BDH1: variants seen among roughly 807,000 people sequenced by gnomAD.
BDH1 encodes D-beta-hydroxybutyrate dehydrogenase, mitochondrial.
In BDH1, 30 loss-of-function variants were observed where a neutral mutation model predicts 33.1. That is an observed-to-expected ratio of 0.91 (90% CI 0.68 to 1.23). The LOEUF (loss-of-function observed/expected upper bound fraction) is 1.23, where lower values mean the gene tolerates loss of function less well. Among genes scored for constraint, BDH1 ranks in the 50% most tolerant of loss-of-function variants. BDH1 has a pLI of 0.00. For missense variants in BDH1, 443 were observed against 464.4 expected, an observed-to-expected ratio of 0.95 and a Z score of 0.42; for synonymous variants, 190 against 183.6, an observed-to-expected ratio of 1.03 and a Z score of -0.28.
At position 197,514,563 on chromosome 3, in the gene BDH1, C is replaced by G; in HGVS notation, c.410-147G>C. 1 of 952,002 alleles carries G rather than the reference C, an allele frequency of 1.1e-6. No individual in the cohort carries two copies. Among genetic ancestry groups the G allele is most frequent in the Non-Finnish European group, 1.5e-6 (1 of 655,094 alleles). 59.0% of individuals were successfully genotyped at this position (952,002 alleles called of 1,614,324 possible). A position where few individuals can be genotyped will look rare whatever the true frequency, so the allele number is the denominator to read the frequency against. The stretch of plus-strand genomic sequence containing the variant: ...GCTCTCAAGAAACTTTCTAGAGTCA[C>G]TCAGGAACGACAGGAGGTAAAGAGG... On this transcript the variant is annotated intron_variant, in intron 6 of 7. Coordinates refer to ENST00000392379, the MANE Select transcript of BDH1 (RefSeq NM_203314.3). This position sits in a 1 kb window ranked among gnomAD's most constrained non-coding sequence, Gnocchi z 4.2.
In BDH1 at chr3:197,510,752, G is replaced by A. The variant is rs1711940202; in HGVS notation, c.*1143C>T. On this transcript the variant is annotated 3_prime_UTR_variant, in exon 8 of 8. Coordinates refer to ENST00000392379, the MANE Select transcript of BDH1 (RefSeq NM_203314.3). ...GTAAGCACCACGTGAGGCAAGCAGG[G>A]ACCCCAAATCCACTGCTAGGGGAGA... The A allele has an allele frequency of 6.7e-6, 1 of 149,794 alleles. No homozygotes were observed. The highest frequency in any genetic ancestry group is 1.5e-5 in the Non-Finnish European group (1 of 68,282). 9.3% of individuals were successfully genotyped at this position (149,794 alleles called of 1,614,324 possible). A position where few individuals can be genotyped will look rare whatever the true frequency, so the allele number is the denominator to read the frequency against.
At chr3:197,570,059 CT>C (rs1717558507) in intron 1 of BDH1, among the ~76,000 whole-genome samples, 1 of 152,130 alleles carries the variant, frequency 6.6e-6, no homozygotes, top group African/African-American at 2.4e-5. Flanking sequence ...CTGAGGTGGT[CT>C]TAGATGGAGA....
upstream of BDH1, among the ~76,000 whole-genome samples, chr3:197,557,580 C>T (rs533077317): frequency 3.3e-5 from 5 of 152,108 alleles, no homozygotes; most frequent in Non-Finnish European, 2.9e-5. The surrounding 1 kb of genome is among the most constrained non-coding windows in gnomAD (Gnocchi z 4.6). Context: ...CCCTGCCCTT[C>T]GTAGTGGATG....
intron 6 of BDH1, among the ~76,000 whole-genome samples, chr3:197,519,712 G>A (rs1050822978): frequency 2.0e-5 from 3 of 152,060 alleles, no homozygotes; most frequent in Admixed American, 6.5e-5. Context: ...TGACTGGTAA[G>A]TGATGTGCCA....
Position 197,526,606 on chromosome 3 carries a change from T to C in BDH1, c.268-3825A>G, listed in dbSNP as rs1205941429. Among the ~76,000 whole-genome samples, 2 of 152,194 alleles carry C rather than the reference T, an allele frequency of 1.3e-5. No individual in the cohort carries two copies. Among genetic ancestry groups the C allele is most frequent in the Non-Finnish European group, 2.9e-5 (2 of 68,034 alleles). ...CCTCAGTGATGTACCCGCTTCTGGC[T>C]GGGGCCACATGGATCCTCCCAGCCA... is the stretch of plus-strand genomic sequence containing the variant. On this transcript the variant is annotated intron_variant, in intron 5 of 7. Transcript: ENST00000392379. The surrounding 1 kb of genome is among the most constrained non-coding windows in gnomAD (Gnocchi z 4.7).
intron 1 of BDH1, among the ~76,000 whole-genome samples, chr3:197,562,209 G>A (rs777580154): frequency 6.6e-6 from 1 of 151,554 alleles, no homozygotes; most frequent in Non-Finnish European, 1.5e-5. Context: ...AAGTGGTCTT[G>A]GCTGGTTTCT....
rs951838304 is a variant in BDH1, at chr3:197,522,085, G to T, written c.409+555C>A. 5.3e-5 allele frequency among the ~76,000 whole-genome samples: 8 copies of T among 152,002 alleles called. No homozygotes were observed. The highest frequency in any genetic ancestry group is 1.2e-4 in the Non-Finnish European group (8 of 67,992). On this transcript the variant is annotated intron_variant, in intron 6 of 7. Coordinates refer to ENST00000392379, the MANE Select transcript of BDH1 (RefSeq NM_203314.3). This position sits in a 1 kb window ranked among gnomAD's most constrained non-coding sequence, Gnocchi z 4.8. ...TCCCACCACTTGACCAACAGCCCCCGCTACCCTCCCCGTGCTCCTCGAAGC... is the reference window on the plus strand; with the variant it reads ...TCCCACCACTTGACCAACAGCCCCCTCTACCCTCCCCGTGCTCCTCGAAGC...
intron 2 of BDH1, among the ~76,000 whole-genome samples, chr3:197,548,136 TG>T (rs1716243752): frequency 6.6e-6 from 1 of 152,218 alleles, no homozygotes; most frequent in South Asian, 2.1e-4. Context: ...CAGGGCAGTC[TG>T]GGGGTGGAAA....
chr3:197,526,853 A>G lies in BDH1; in HGVS notation c.268-4072T>C, dbSNP rs1292732354. Among the ~76,000 whole-genome samples the G allele has an allele frequency of 6.6e-6, 1 of 152,226 alleles. No homozygotes were observed. Among genetic ancestry groups the G allele is most frequent in the African/African-American group, 2.4e-5 (1 of 41,458 alleles). On this transcript the variant is annotated intron_variant, in intron 5 of 7. Coordinates refer to ENST00000392379, the MANE Select transcript of BDH1 (RefSeq NM_203314.3). This position sits in a 1 kb window ranked among gnomAD's most constrained non-coding sequence, Gnocchi z 4.7. Reference sequence around the variant, plus strand: ...CTGTGGCCTCCAGACTCCAGGGCACACATGGTAAGCCAAGAAGCTCTCCGG... The same window carrying G: ...CTGTGGCCTCCAGACTCCAGGGCACGCATGGTAAGCCAAGAAGCTCTCCGG...
rs374419311 is a variant in BDH1 at position 197,548,138 on chromosome 3, G to T, written c.-43-1652C>A. 9.2e-5 allele frequency among the ~76,000 whole-genome samples: 14 copies of T among 152,350 alleles called. No homozygotes were observed. In the East Asian group the frequency reaches 2.5e-3, roughly 27 times the overall value. On this transcript the variant is annotated intron_variant, in intron 2 of 7. Coordinates refer to ENST00000392379, the MANE Select transcript of BDH1 (RefSeq NM_203314.3). ...GAGCGGGCTCCCGCAGGGCAGTCTGGGGGTGGAAAGTCGGCCTGTGGCCAC... is the reference window on the plus strand; with the variant it reads ...GAGCGGGCTCCCGCAGGGCAGTCTGTGGGTGGAAAGTCGGCCTGTGGCCAC...
rs745542224 is a variant in BDH1, at chr3:197,511,914, T to G, written c.1013A>C (p.Asp338Ala). The G allele has an allele frequency of 1.3e-6, 2 of 1,565,942 alleles. No homozygotes were observed. Among genetic ancestry groups the G allele is most frequent in the Non-Finnish European group, 1.7e-6 (2 of 1,152,878 alleles). ...IMTHLPGAIS[D>A]MIYIR ...GACTCTTCAGCGGATGTAGATCATG[T>G]CGGAGATGGCTCCAGGCAAGTGGGT... is the stretch of plus-strand genomic sequence containing the variant. The change falls in exon 8 of 8, where the codon GAC (aspartate) becomes GCC (alanine). Residue 338 changes from aspartate to alanine, a missense_variant. By Grantham distance (126) the Asp-to-Ala change is moderately radical (BLOSUM62 -2). Coordinates refer to ENST00000392379, the MANE Select transcript of BDH1 (RefSeq NM_203314.3).
At chr3:197,559,892 G>C (rs1717205421), upstream of BDH1, among the ~76,000 whole-genome samples, 1 of 152,224 alleles carries the variant, frequency 6.6e-6, no homozygotes, top group Non-Finnish European at 1.5e-5. Flanking sequence ...ATTCGGCTGT[G>C]AGGTTGAACA....
chr3:197,565,103 G>C lies in BDH1; in HGVS notation c.-44+8078C>G, dbSNP rs140452204. On this transcript the variant is annotated intron_variant, in intron 1 of 6. Transcript: ENST00000358186. ...ACGCCTGGCTAATTTTGTATTTTTA[G>C]TATACACAGGGTTTCTCCATGTTGG... 5.4e-3 allele frequency among the ~76,000 whole-genome samples: 825 copies of C among 152,174 alleles called. 10 individuals carry two copies. Among genetic ancestry groups the C allele is most frequent in the African/African-American group, 0.019 (799 of 41,508 alleles).
intron 7 of BDH1, among the ~76,000 whole-genome samples, chr3:197,512,657 C>T (rs775512983): frequency 1.3e-5 from 2 of 152,186 alleles, no homozygotes; most frequent in Admixed American, 6.5e-5. Flanking sequence ...AAGCCCGATG[C>T]GGTGATAATT....
Position 197,511,858 on chromosome 3 carries a change from C to T in BDH1, c.*37G>A, listed in dbSNP as rs190572089. 1.4e-3 allele frequency: 2,091 copies of T among 1,518,098 alleles called. 6 individuals are homozygous for T. The highest frequency in any genetic ancestry group is 1.7e-3 in the Non-Finnish European group (1,925 of 1,129,642). 94.0% of individuals were successfully genotyped at this position (1,518,098 alleles called of 1,614,324 possible). On this transcript the variant is annotated 3_prime_UTR_variant, in exon 8 of 8. Transcript: ENST00000392379. ...TGGGTTCCTCCCTCCCCTCCCCTTCCACCAGGGATCCCTGACAGAGGCCAC... is the reference window on the plus strand; with the variant it reads ...TGGGTTCCTCCCTCCCCTCCCCTTCTACCAGGGATCCCTGACAGAGGCCAC...
intron 3 of BDH1, among the ~76,000 whole-genome samples, chr3:197,544,907 G>T (rs994310309): frequency 8.5e-5 from 13 of 152,224 alleles, no homozygotes; most frequent in African/African-American, 3.1e-4. Flanking sequence ...AATTAGCCGG[G>T]TGTGGTGGCA....
chr3:197,536,467 A>G (rs994890993), intron 3 of BDH1, among the ~76,000 whole-genome samples: 18 of 152,198 alleles, frequency 1.2e-4, no homozygotes, highest in South Asian at 2.1e-4. Context: ...GAGTCTTCCA[A>G]TTCCTGAGTA....
At chr3:197,529,774 T>C (rs899335014) in intron 5 of BDH1, 1 of 152,240 alleles carries the variant, frequency 6.6e-6, no homozygotes, top group Non-Finnish European at 1.5e-5. Flanking sequence ...GTTTATATTA[T>C]TGAAATTTTA....
At chr3:197,515,595 T>C in intron 6 of BDH1, 9 of 985,560 alleles carry the variant, frequency 9.1e-6, no homozygotes, top group Non-Finnish European at 1.1e-5. Context: ...CTCCATCCCT[T>C]CAGTTCTATA....
Sources: allele counts gnomAD v4.1 joint callset (sites outside exome capture counted in the v4.1 genomes callset), GRCh38; gene constraint gnomAD v4.1.1; non-coding constraint Gnocchi (gnomAD v3.1); transcripts MANE v1.5; gene names NCBI Gene and HGNC (gene_info 2026-07-23, HGNC 2026-07-21).